The following TECPR2 variants were observed in gnomAD, a reference collection of about 807,000 sequenced individuals.
TECPR2 encodes the protein tectonin beta-propeller repeat containing 2, also known as tectonin beta-propeller repeat-containing protein 2.
Under a neutral mutation model 138.1 loss-of-function variants are expected in TECPR2, and 65 were observed. The ratio of observed to expected loss-of-function variants is 0.47; its 90% confidence interval spans 0.39 to 0.58. The LOEUF (loss-of-function observed/expected upper bound fraction) is 0.58. Among genes scored for constraint, TECPR2 ranks in the 20% least tolerant of loss-of-function variants. The pLI, the probability that TECPR2 is intolerant of heterozygous loss-of-function variation, is 0.00. For missense variants in TECPR2, 1,553 were observed against 1,824.5 expected, an observed-to-expected ratio of 0.85 and a Z score of 2.71; for synonymous variants, 746 against 749.8, an observed-to-expected ratio of 0.99 and a Z score of 0.08.
At chr14:102,476,727 G>A (rs1381286816) in intron 17 of TECPR2, among the ~76,000 whole-genome samples, 1 of 152,204 alleles carries the variant, frequency 6.6e-6, no homozygotes, top group Non-Finnish European at 1.5e-5. Context: ...GCTGAGTCAA[G>A]AAGCCAAAGA....
In TECPR2 at chr14:102,434,608, C is replaced by T. The variant is rs757180768; in HGVS notation, c.1791C>T (p.Leu597=). The T allele has an allele frequency of 1.6e-5, 25 of 1,573,534 alleles. No individual in the cohort carries two copies. Among genetic ancestry groups the T allele is most frequent in the East Asian group, 1.4e-4 (6 of 44,390 alleles). Residue 597 remains leucine, a synonymous_variant, in exon 9 of 20, where the codon CTC becomes CTT. Coordinates refer to ENST00000359520, the MANE Select transcript of TECPR2 (RefSeq NM_014844.5). ...EDVGGSDVTG[L]GDEPCPADDG... Reference sequence around the variant, plus strand: ...TGGGAGGCAGTGATGTCACGGGACTCGGAGATGAGCCGTGTCCTGCAGATG... The same window carrying T: ...TGGGAGGCAGTGATGTCACGGGACTTGGAGATGAGCCGTGTCCTGCAGATG...
chr14:102,431,405 C>T (rs1326956288), intron 7 of TECPR2, among the ~76,000 whole-genome samples: 2 of 142,760 alleles, frequency 1.4e-5, no homozygotes, highest in African/African-American at 5.3e-5. Context: ...TGCAGTGGCG[C>T]AATCTCGGCT....
At chr14:102,377,051 T>A in intron 2 of TECPR2, 111 bp downstream of exon 2, 1 of 1,074,642 alleles carries the variant, frequency 9.3e-7, no homozygotes, top group Non-Finnish European at 1.3e-6. Context: ...AATATGGCCT[T>A]AATACCTCAC....
intron 18 of TECPR2, 78 bp from the exon 19 acceptor site, chr14:102,497,492 G>T: frequency 1.4e-6 from 2 of 1,410,920 alleles, no homozygotes; most frequent in East Asian, 2.6e-5. Flanking sequence ...GGTGTGCAGC[G>T]TCACAAGAGT....
intron 2 of TECPR2, among the ~76,000 whole-genome samples, chr14:102,400,495 G>A (rs549507933): frequency 5.3e-5 from 8 of 152,338 alleles, no homozygotes; most frequent in Non-Finnish European, 8.8e-5. Context: ...TGAGGACCCA[G>A]CTGTAATGGA....
chr14:102,471,135 A>G (rs1890645796), intron 17 of TECPR2, among the ~76,000 whole-genome samples: 1 of 151,892 alleles, frequency 6.6e-6, no homozygotes, highest in Non-Finnish European at 1.5e-5. Flanking sequence ...TATTTTTAGT[A>G]GAGATAGGGT....
chr14:102,426,194 G>A (rs548494834), intron 6 of TECPR2, among the ~76,000 whole-genome samples: 1 of 148,508 alleles, frequency 6.7e-6, no homozygotes, highest in Non-Finnish European at 1.5e-5. Context: ...CCGCCACTTG[G>A]TTTTTTTTTT....
chr14:102,424,882 A>G, intron 5 of TECPR2, 97 bp from the exon 6 acceptor site: 1 of 1,268,340 alleles, frequency 7.9e-7, no homozygotes, highest in East Asian at 2.3e-5. Context: ...TTAGCCAAAA[A>G]ATTCTTGTTG....
intron 11 of TECPR2, among the ~76,000 whole-genome samples, chr14:102,441,367 G>GCCATAA (rs2139740888): frequency 6.7e-6 from 1 of 149,916 alleles, no homozygotes; most frequent in East Asian, 2.1e-4. Flanking sequence ...ACCACACCAG[G>GCCATAA]CCATAATTTG....
intron 17 of TECPR2, among the ~76,000 whole-genome samples, chr14:102,485,832 C>T (rs1460460070): frequency 6.6e-6 from 1 of 152,192 alleles, no homozygotes; most frequent in East Asian, 1.9e-4. Context: ...CAGAGCAGGG[C>T]GATGAGCTAT....
intron 4 of TECPR2, among the ~76,000 whole-genome samples, chr14:102,413,844 G>A (rs1045972711): frequency 6.6e-6 from 1 of 151,654 alleles, no homozygotes; most frequent in African/African-American, 2.4e-5. Flanking sequence ...TGCTACCTGG[G>A]CTAGAGTGCA....
At position 102,434,939 on chromosome 14, in the gene TECPR2, C is replaced by G. The variant is rs1889618049; in HGVS notation, c.2122C>G (p.Gln708Glu). ...TGCTGTCACTGATGATGACACAGGTCAGAAAGAAATACCCATTTCTGAACG... is the reference window on the plus strand; with the variant it reads ...TGCTGTCACTGATGATGACACAGGTGAGAAAGAAATACCCATTTCTGAACG... ...WHAVTDDDTG[Q>E]KEIPISERVL... Residue 708 changes from glutamine to glutamate, a missense_variant, in exon 9 of 20, where the codon CAG becomes GAG. By Grantham distance (29) the Gln-to-Glu change is conservative. Coordinates refer to ENST00000359520, the MANE Select transcript of TECPR2 (RefSeq NM_014844.5). 6.2e-7 allele frequency: 1 copy of G among 1,613,950 alleles called. No homozygotes were observed. Among genetic ancestry groups the G allele is most frequent in the East Asian group, 2.2e-5 (1 of 44,876 alleles).
At position 102,498,084 on chromosome 14, in the gene TECPR2, T is replaced by A; in HGVS notation, c.4082-19T>A. 6.7e-7 allele frequency: 1 copy of A among 1,494,958 alleles called. No homozygotes were observed. Among genetic ancestry groups the A allele is most frequent in the Non-Finnish European group, 9.1e-7 (1 of 1,093,798 alleles). 92.6% of individuals were successfully genotyped at this position (1,494,958 alleles called of 1,614,324 possible). Reference sequence around the variant, plus strand: ...GGCTGTGTGATTGACAAGTATGTGATTGGCTCTTGTCCCTGCAGTGACTGC... The same window carrying A: ...GGCTGTGTGATTGACAAGTATGTGAATGGCTCTTGTCCCTGCAGTGACTGC... On this transcript the variant is annotated intron_variant, in intron 19 of 19. Transcript: ENST00000359520.
At position 102,452,557 on chromosome 14, in the gene TECPR2, G is replaced by A. The variant is rs1595133898; in HGVS notation, c.3570G>A (p.Val1190=). 6.2e-7 allele frequency: 1 copy of A among 1,610,832 alleles called. No homozygotes were observed. The highest frequency in any genetic ancestry group is 1.1e-5 in the South Asian group (1 of 90,400). ...ALWALDSLGQ[V]FIRTLSKSCP... ...GGGCGCTGGACAGCCTCGGCCAGGT[G>A]TTCATCAGGACGCTCTCCAAGAGCT... Residue 1190 remains valine, a synonymous_variant, in exon 16 of 20, where the codon GTG becomes GTA. Transcript: ENST00000359520.
chr14:102,407,705 T>A (rs1347705320), intron 3 of TECPR2, among the ~76,000 whole-genome samples: 1 of 151,054 alleles, frequency 6.6e-6, no homozygotes, highest in Non-Finnish European at 1.5e-5. Context: ...CTACTAAAAA[T>A]ACAAAATTTG....
chr14:102,462,049 G>A (rs1404124510), intron 16 of TECPR2, among the ~76,000 whole-genome samples: 1 of 152,172 alleles, frequency 6.6e-6, no homozygotes, highest in Non-Finnish European at 1.5e-5. Context: ...ACATCATCTA[G>A]TAGTCTTTTA....
intron 2 of TECPR2, among the ~76,000 whole-genome samples, chr14:102,380,929 C>T (rs1004943229): frequency 3.3e-5 from 5 of 151,346 alleles, no homozygotes; most frequent in Non-Finnish European, 7.4e-5. Context: ...CTGCCCGCCT[C>T]GGCCTCCCAA....
At chr14:102,460,563 G>A (rs1302482645) in intron 16 of TECPR2, among the ~76,000 whole-genome samples, 4 of 142,278 alleles carry the variant, frequency 2.8e-5, no homozygotes, top group African/African-American at 5.3e-5. Context: ...GTAGTGAGCC[G>A]AGATCACGCC....
At position 102,431,504 on chromosome 14, in the gene TECPR2, G is replaced by A. The variant is rs186721303; in HGVS notation, c.1085-292G>A. The stretch of plus-strand genomic sequence containing the variant: ...ACCCCCGGCGCCCGCCACCATGCCC[G>A]GCTAATTTTTTGTATTTTTAGTAGA... On this transcript the variant is annotated intron_variant, in intron 7 of 19. Transcript: ENST00000359520. 2.6e-3 allele frequency among the ~76,000 whole-genome samples: 397 copies of A among 151,910 alleles called. No individual in the cohort carries two copies. Among genetic ancestry groups the A allele is most frequent in the Middle Eastern group, 3.4e-3 (1 of 294 alleles).
Sources: allele counts gnomAD v4.1 joint callset (sites outside exome capture counted in the v4.1 genomes callset), GRCh38; gene constraint gnomAD v4.1.1; transcripts MANE v1.5; gene names NCBI Gene and HGNC (gene_info 2026-07-23, HGNC 2026-07-21).